The following CSMD1 variants were observed in gnomAD, a reference collection of about 807,000 sequenced individuals.
CSMD1 encodes the protein CUB and Sushi multiple domains 1.
Under a neutral mutation model 417.5 loss-of-function variants are expected in CSMD1, and 213 were observed. The ratio of observed to expected loss-of-function variants is 0.51; its 90% confidence interval spans 0.46 to 0.57. The LOEUF (loss-of-function observed/expected upper bound fraction) is 0.57, where lower values mean the gene tolerates loss of function less well. Among genes scored for constraint, CSMD1 ranks in the 20% least tolerant of loss-of-function variants. The pLI is 0.00. For missense variants in CSMD1, 6,923 were observed against 4,529.7 expected (o/e 1.53, Z -15.17); for synonymous variants, 2,862 against 1,736.8 (o/e 1.65, Z -16.11).
chr8:4,483,125 G>C (rs1031844353), intron 2 of CSMD1, among the ~76,000 whole-genome samples: 2 of 152,076 alleles, frequency 1.3e-5, no homozygotes, highest in African/African-American at 4.8e-5. Context: ...TGTTCTCCTG[G>C]TGGTGGATAA....
At chr8:3,899,561 G>A (rs377250343) in intron 5 of CSMD1, among the ~76,000 whole-genome samples, 2 of 152,068 alleles carry the variant, frequency 1.3e-5, no homozygotes, top group African/African-American at 4.8e-5. Context: ...TAAAAAGAAG[G>A]TTGTTGTTGT....
intron 7 of CSMD1, among the ~76,000 whole-genome samples, chr8:3,687,268 G>A (rs1056480079): frequency 1.3e-5 from 2 of 152,092 alleles, no homozygotes; most frequent in Admixed American, 6.5e-5. Flanking sequence ...GCATTTCCAG[G>A]ACCAAAAAAG....
In CSMD1 at chr8:4,679,016, C is replaced by G. The variant is rs114053254; in HGVS notation, c.86-41458G>C. Among the ~76,000 whole-genome samples, 370 of 152,330 alleles carry G rather than the reference C, an allele frequency of 2.4e-3. 5 individuals carry two copies. Among genetic ancestry groups the G allele is most frequent in the African/African-American group, 8.7e-3 (360 of 41,576 alleles). ...ACCTCACCCACAGAACAACAGGGAC[C>G]TGCCCAAGATGGTTCATTGTTTGCC... On this transcript the variant is annotated intron_variant, in intron 1 of 69. Coordinates refer to ENST00000635120, the MANE Select transcript of CSMD1 (RefSeq NM_033225.6).
intron 7 of CSMD1, among the ~76,000 whole-genome samples, chr8:3,670,919 T>TATGTATATGGGATATAC (rs1563255718): frequency 1.0e-5 from 1 of 100,242 alleles, no homozygotes; most frequent in Non-Finnish European, 2.2e-5. Flanking sequence ...ATGGGATATA[T>TATGTATATGGGATATAC]ATGTATATGG....
chr8:4,609,343 G>C (rs1056132984), intron 2 of CSMD1, among the ~76,000 whole-genome samples: 1 of 152,224 alleles, frequency 6.6e-6, no homozygotes, highest in African/African-American at 2.4e-5. Context: ...AGAGGTTGTA[G>C]TGAGCCGAGA....
rs532754231 is a variant in CSMD1, at chr8:3,782,086, A to G, written c.819-28044T>C. On this transcript the variant is annotated intron_variant, in intron 5 of 69. Coordinates refer to ENST00000635120, the MANE Select transcript of CSMD1 (RefSeq NM_033225.6). ...TTGGAAGGAGAGTTTGATAAAATAAACAATAAAATTTGAGAGCCATGAAGA... is the reference window on the plus strand; with the variant it reads ...TTGGAAGGAGAGTTTGATAAAATAAGCAATAAAATTTGAGAGCCATGAAGA... Among the ~76,000 whole-genome samples, 3 of 152,318 alleles carry G rather than the reference A, an allele frequency of 2.0e-5. No individual in the cohort carries two copies. In the South Asian group the frequency reaches 6.2e-4, roughly 32 times the overall value.
chr8:3,822,999 C>T (rs910805090), intron 5 of CSMD1, among the ~76,000 whole-genome samples: 1 of 152,028 alleles, frequency 6.6e-6, no homozygotes, highest in Non-Finnish European at 1.5e-5. Flanking sequence ...CCTTTGGTTA[C>T]GAAGGCTGAG....
chr8:3,952,734 A>G (rs1033792284), intron 5 of CSMD1, among the ~76,000 whole-genome samples: 9 of 152,220 alleles, frequency 5.9e-5, no homozygotes, highest in Admixed American at 1.3e-4. Context: ...ACATTTTAAA[A>G]TGGCTTATTG....
chr8:3,228,775 A>G (rs1254623578), intron 27 of CSMD1, among the ~76,000 whole-genome samples: 4 of 151,942 alleles, frequency 2.6e-5, no homozygotes, highest in Non-Finnish European at 5.9e-5. Flanking sequence ...AACATGCAAA[A>G]TGGAAGGAAA....
At chr8:4,178,688 T>C (rs1224968507) in intron 3 of CSMD1, among the ~76,000 whole-genome samples, 1 of 152,186 alleles carries the variant, frequency 6.6e-6, no homozygotes, top group East Asian at 1.9e-4. Context: ...AACCCCACTG[T>C]CTCAGCCCAA....
At chr8:4,922,959 C>T (rs12549597) in intron 1 of CSMD1, among the ~76,000 whole-genome samples, 50,727 of 151,986 alleles carry the variant, frequency 0.33, 9,795 homozygotes, top group Non-Finnish European at 0.44. Context: ...ACACACTTTC[C>T]ATCACAGAAA....
At chr8:3,953,444 C>T (rs186547696) in intron 5 of CSMD1, among the ~76,000 whole-genome samples, 16 of 152,148 alleles carry the variant, frequency 1.1e-4, no homozygotes, top group Admixed American at 2.0e-4. Flanking sequence ...AATTATTTTG[C>T]ACAGAGAAGA....
intron 2 of CSMD1, among the ~76,000 whole-genome samples, chr8:4,492,806 C>A (rs1433277859): frequency 2.6e-5 from 4 of 152,186 alleles, no homozygotes; most frequent in African/African-American, 9.7e-5. Flanking sequence ...TTATTCAGAG[C>A]ACACAGTAAT....
rs545810474 is a variant in CSMD1, at chr8:3,434,394, C to T, written c.1562-24789G>A. Among the ~76,000 whole-genome samples the T allele has an allele frequency of 5.9e-5, 9 of 152,224 alleles. No homozygotes were observed. In the South Asian group the frequency reaches 8.3e-4, roughly 14 times the overall value. On this transcript the variant is annotated intron_variant, in intron 12 of 69. Coordinates refer to ENST00000635120, the MANE Select transcript of CSMD1 (RefSeq NM_033225.6). ...ACTTTTCCATTTAATTTCTTCTGAG[C>T]ATTTGTAAAGAGTTCCAGTTAATTC...
At chr8:2,959,671 G>A (rs568110557) in intron 62 of CSMD1, among the ~76,000 whole-genome samples, 2 of 152,224 alleles carry the variant, frequency 1.3e-5, no homozygotes, top group East Asian at 3.9e-4. Context: ...AGTCATTTAA[G>A]CTGCAAGATT....
At chr8:4,859,621 AAAG>A (rs1802009618) in intron 1 of CSMD1, among the ~76,000 whole-genome samples, 1 of 152,166 alleles carries the variant, frequency 6.6e-6, no homozygotes, top group African/African-American at 2.4e-5. Context: ...ACACTTCTCA[AAAG>A]AAGACGTTTA....
intron 18 of CSMD1, chr8:3,373,697 T>C (rs1187920547): frequency 2.0e-5 from 3 of 152,228 alleles, no homozygotes; most frequent in Non-Finnish European, 4.4e-5. Flanking sequence ...TTAATCTGTT[T>C]CTTCATGCAC....
chr8:4,893,381 T>A (rs1804257627), intron 1 of CSMD1, among the ~76,000 whole-genome samples: 1 of 152,100 alleles, frequency 6.6e-6, no homozygotes, highest in Admixed American at 6.5e-5. Context: ...CATGCTTTTA[T>A]TAATACAGAA....
At chr8:3,322,578 T>A (rs1806222160) in intron 23 of CSMD1, among the ~76,000 whole-genome samples, 1 of 152,140 alleles carries the variant, frequency 6.6e-6, no homozygotes, top group Non-Finnish European at 1.5e-5. Flanking sequence ...CCTCAGTTGG[T>A]TTCATTGGCC....
Sources: allele counts gnomAD v4.1 joint callset (sites outside exome capture counted in the v4.1 genomes callset), GRCh38; gene constraint gnomAD v4.1.1; transcripts MANE v1.5; gene names NCBI Gene and HGNC (gene_info 2026-07-23, HGNC 2026-07-21).